Variants in LDB2 observed in about 807,000 individuals in gnomAD.
LDB2 encodes LIM domain binding 2.
Under a neutral mutation model 44.3 loss-of-function variants are expected in LDB2, and 12 were observed. The observed-to-expected ratio is 0.27, with a 90% confidence interval of 0.17 to 0.44. The LOEUF (loss-of-function observed/expected upper bound fraction) is 0.44, where lower values mean the gene tolerates loss of function less well. LDB2 is among the 20% of genes least tolerant of loss of function. The pLI is 1.00. For missense variants in LDB2, 344 were observed against 473.5 expected (o/e 0.73, Z 2.54); for synonymous variants, 164 against 174.8 (o/e 0.94, Z 0.49).
At chr4:16,851,989 C>T (rs1369086140) in intron 1 of LDB2, among the ~76,000 whole-genome samples, 3 of 152,140 alleles carry the variant, frequency 2.0e-5, no homozygotes, top group Non-Finnish European at 4.4e-5. Context: ...TTACTTTTAC[C>T]ATAAAAGAAA....
At chr4:16,878,316 A>G (rs1410158648) in intron 1 of LDB2, among the ~76,000 whole-genome samples, 1 of 152,224 alleles carries the variant, frequency 6.6e-6, no homozygotes, top group Non-Finnish European at 1.5e-5. Context: ...TGACAAGAAT[A>G]GATAAAGATA....
intron 1 of LDB2, among the ~76,000 whole-genome samples, chr4:16,771,032 A>G (rs1340670131): frequency 2.0e-5 from 3 of 152,218 alleles, no homozygotes; most frequent in Non-Finnish European, 4.4e-5. Context: ...ATTCCAACAT[A>G]AACACAGCAG....
chr4:16,737,973 T>C (rs1042234387), intron 2 of LDB2, among the ~76,000 whole-genome samples: 1 of 152,238 alleles, frequency 6.6e-6, no homozygotes, highest in African/African-American at 2.4e-5. Flanking sequence ...GAACTAGTTG[T>C]CTACAGCTAT....
At chr4:16,688,912 A>C (rs909105801) in intron 2 of LDB2, among the ~76,000 whole-genome samples, 1 of 152,268 alleles carries the variant, frequency 6.6e-6, no homozygotes, top group African/African-American at 2.4e-5. Flanking sequence ...TGGATTCTGC[A>C]TCAGGCAAAG....
intron 2 of LDB2, among the ~76,000 whole-genome samples, chr4:16,756,690 T>C (rs1471757214): frequency 6.6e-6 from 1 of 152,138 alleles, no homozygotes; most frequent in Non-Finnish European, 1.5e-5. Context: ...AGTTCCTGTA[T>C]TAATCTGAGA....
At chr4:16,727,337 G>A (rs760260343) in intron 2 of LDB2, among the ~76,000 whole-genome samples, 9 of 152,188 alleles carry the variant, frequency 5.9e-5, no homozygotes, top group Non-Finnish European at 1.3e-4. Context: ...AAAGGCTGGT[G>A]TCCCAGGGAT....
intron 2 of LDB2, among the ~76,000 whole-genome samples, chr4:16,686,478 TC>T (rs1749278455): frequency 6.6e-6 from 1 of 152,222 alleles, no homozygotes; most frequent in Admixed American, 6.5e-5. Context: ...CAGATTGTGC[TC>T]TTGCTCTTGT....
intron 1 of LDB2, among the ~76,000 whole-genome samples, chr4:16,775,558 T>C (rs1771708265): frequency 6.6e-6 from 1 of 152,208 alleles, no homozygotes; most frequent in African/African-American, 2.4e-5. Context: ...TCAACAATTG[T>C]TATCCATCAT....
intron 1 of LDB2, among the ~76,000 whole-genome samples, chr4:16,859,919 T>A (rs1262003355): frequency 6.6e-6 from 1 of 152,210 alleles, no homozygotes; most frequent in Non-Finnish European, 1.5e-5. Context: ...TTTTTTCAAG[T>A]CGTTAATCTT....
rs1715203247 is a variant in LDB2, at chr4:16,582,691, C to T, written c.615+3231G>A. 6.6e-6 allele frequency among the ~76,000 whole-genome samples: 1 copy of T among 152,178 alleles called. No homozygotes were observed. The highest frequency in any genetic ancestry group is 6.5e-5 in the Admixed American group (1 of 15,278). On this transcript the variant is annotated intron_variant, in intron 5 of 7. Coordinates refer to ENST00000304523, the MANE Select transcript of LDB2 (RefSeq NM_001290.5). The surrounding 1 kb of genome is among the most constrained non-coding windows in gnomAD (Gnocchi z 4.8). ...CTGGCTTGGATAACTGCTGCAGGGA[C>T]ACTCAGTCAGCAAGCCACAGCCCCC...
intron 5 of LDB2, among the ~76,000 whole-genome samples, chr4:16,544,281 G>A (rs1168608547): frequency 6.6e-6 from 1 of 152,208 alleles, no homozygotes; most frequent in East Asian, 1.9e-4. Context: ...TGTGGGGACT[G>A]CAAGTCCGAA....
Position 16,595,794 on chromosome 4 carries a change from T to C in LDB2, c.317A>G (p.His106Arg). 6.2e-7 allele frequency: 1 copy of C among 1,613,476 alleles called. No homozygotes were observed. ...TGAGTTGTGGTATGACTCTTTCGAGTGTTTGAGAATGTAATACAGGTCGGT... is the reference window on the plus strand; with the variant it reads ...TGAGTTGTGGTATGACTCTTTCGAGCGTTTGAGAATGTAATACAGGTCGGT... Reference protein sequence around the residue: ...GVTDLYYILKHSKESYHNSSI... With the variant: ...GVTDLYYILKRSKESYHNSSI... The change falls in exon 3 of 8, where the codon CAC becomes CGC. Residue 106 changes from histidine (H) to arginine (R), a missense_variant. By Grantham distance (29) the His-to-Arg change is conservative. Around this residue, in one of 3 missense-constraint regions of LDB2, gnomAD observed 226 missense variants for 270.1 expected, o/e 0.84. Transcript: ENST00000304523.
At chr4:16,666,238 G>C (rs1167302180) in intron 2 of LDB2, among the ~76,000 whole-genome samples, 2 of 152,226 alleles carry the variant, frequency 1.3e-5, no homozygotes, top group Non-Finnish European at 2.9e-5. Flanking sequence ...CTGCTGTGCA[G>C]GTTACAGGTG....
At chr4:16,591,968 C>T (rs1026652990) in intron 3 of LDB2, among the ~76,000 whole-genome samples, 1 of 151,918 alleles carries the variant, frequency 6.6e-6, no homozygotes, top group African/African-American at 2.4e-5. Context: ...TTCATGTTAC[C>T]GTACTGTGAG....
At chr4:16,526,562 T>A (rs1415313398) in intron 5 of LDB2, among the ~76,000 whole-genome samples, 1 of 152,238 alleles carries the variant, frequency 6.6e-6, no homozygotes, top group Non-Finnish European at 1.5e-5. Context: ...TCATCTATCA[T>A]CTATATATCC....
intron 2 of LDB2, among the ~76,000 whole-genome samples, chr4:16,664,913 C>T (rs1387646578): frequency 3.3e-5 from 5 of 152,208 alleles, no homozygotes; most frequent in African/African-American, 1.2e-4. Flanking sequence ...CACACAGGAA[C>T]CTCCAAAGCT....
Position 16,821,550 on chromosome 4 carries a change from A to ATT in LDB2, c.133-62292_133-62291dup, listed in dbSNP as rs34807743. On this transcript the variant is annotated intron_variant, in intron 1 of 7. Coordinates refer to ENST00000304523, the MANE Select transcript of LDB2 (RefSeq NM_001290.5). ...AGGCGCCCGCCACCACGCCCAGCTA[A>ATT]TTTTTTTTTTTTGTATTTTTAGTAG... 2.0e-3 allele frequency among the ~76,000 whole-genome samples: 278 copies of ATT among 142,394 alleles called. 1 individual carries two copies. Among genetic ancestry groups the ATT allele is most frequent in the Middle Eastern group, 7.2e-3 (2 of 278 alleles). 93.4% of individuals were successfully genotyped at this position (142,394 alleles called of 152,430 possible).
intron 1 of LDB2, among the ~76,000 whole-genome samples, chr4:16,843,957 T>C (rs1477958614): frequency 6.6e-6 from 1 of 151,916 alleles, no homozygotes; most frequent in African/African-American, 2.4e-5. Flanking sequence ...TTGCTTTCCC[T>C]ATTAAGATCA....
intron 1 of LDB2, among the ~76,000 whole-genome samples, chr4:16,771,719 T>G (rs75910743): frequency 0.017 from 2,544 of 152,292 alleles, 43 homozygotes; most frequent in East Asian, 0.079. Context: ...AACACATGAA[T>G]GGAAATCCAC....
Sources: allele counts gnomAD v4.1 joint callset (sites outside exome capture counted in the v4.1 genomes callset), GRCh38; gene constraint gnomAD v4.1.1; regional missense constraint gnomAD v4.1.1; non-coding constraint Gnocchi (gnomAD v3.1); transcripts MANE v1.5; gene names NCBI Gene and HGNC (gene_info 2026-07-23, HGNC 2026-07-21).